EXTL3: variants seen among roughly 807,000 people sequenced by gnomAD.
EXTL3 encodes exostosin-like 3.
EXTL3 carries 27 observed loss-of-function variants against 69.3 expected under a neutral mutation model. The ratio of observed to expected loss-of-function variants is 0.39; its 90% CI spans 0.29 to 0.54. EXTL3 has a LOEUF of 0.54. Among genes scored for constraint, EXTL3 ranks in the 20% least tolerant of loss-of-function variants. The pLI, the probability that EXTL3 is intolerant of heterozygous loss-of-function variation, is 0.69. For missense variants in EXTL3, 1,003 were observed against 1,231.8 expected, an observed-to-expected ratio of 0.81 and a Z score of 2.78; for synonymous variants, 511 against 499.4, an observed-to-expected ratio of 1.02 and a Z score of -0.31.
intron 1 of EXTL3, among the ~76,000 whole-genome samples, chr8:28,645,328 T>A (rs1806811099): frequency 6.6e-6 from 1 of 152,342 alleles, no homozygotes; most frequent in African/African-American, 2.4e-5. Flanking sequence ...GCAAAAACAT[T>A]TAGGTCTAAC....
At chr8:28,733,658 C>T (rs1489324218) in intron 4 of EXTL3, among the ~76,000 whole-genome samples, 1 of 150,334 alleles carries the variant, frequency 6.7e-6, no homozygotes, top group Non-Finnish European at 1.5e-5. Flanking sequence ...GCTGGGATTA[C>T]AGGCATGAGC....
At chr8:28,667,308 G>A (rs9314366) in intron 1 of EXTL3, among the ~76,000 whole-genome samples, 105 of 152,268 alleles carry the variant, frequency 6.9e-4, no homozygotes, top group African/African-American at 2.3e-3. Context: ...AACAAGGGTG[G>A]GGGATTCTTG....
At chr8:28,744,386 G>A (rs1250210938) in intron 6 of EXTL3, among the ~76,000 whole-genome samples, 1 of 152,162 alleles carries the variant, frequency 6.6e-6, no homozygotes, top group African/African-American at 2.4e-5. Flanking sequence ...GACTGGGTGC[G>A]GTGGCTCATG....
rs1255448363 is a variant in EXTL3, at chr8:28,623,376, C to T, written c.-53+566C>T. Among the ~76,000 whole-genome samples the T allele has an allele frequency of 6.6e-6, 1 of 152,238 alleles. No individual in the cohort carries two copies. Among genetic ancestry groups the T allele is most frequent in the Non-Finnish European group, 1.5e-5 (1 of 68,048 alleles). ...AAGCCAGCCGTACCTGCGAGCCCCT[C>T]AGCACAGCTGACTTTAATTTGGGAT... On this transcript the variant is annotated intron_variant, in intron 1 of 6. Coordinates refer to the EXTL3 transcript ENST00000523149. The surrounding 1 kb of genome is among the most constrained non-coding windows in gnomAD (Gnocchi z 4.2).
intron 1 of EXTL3, among the ~76,000 whole-genome samples, chr8:28,629,094 G>C (rs1806535446): frequency 6.6e-6 from 1 of 152,086 alleles, no homozygotes. Flanking sequence ...TGACTGCCTA[G>C]GGTCACTGAG....
At chr8:28,663,404 C>G (rs1196323401) in intron 1 of EXTL3, among the ~76,000 whole-genome samples, 1 of 152,120 alleles carries the variant, frequency 6.6e-6, no homozygotes, top group African/African-American at 2.4e-5. Flanking sequence ...ACTGTTGGTG[C>G]CCTTGTACTG....
At chr8:28,719,126 T>C (rs1295476063) in intron 3 of EXTL3, among the ~76,000 whole-genome samples, 1 of 152,214 alleles carries the variant, frequency 6.6e-6, no homozygotes, top group African/African-American at 2.4e-5. Flanking sequence ...GCTAGAAGTC[T>C]CGGTTTTTAA....
rs371084223 is a variant in EXTL3, at chr8:28,691,875, G to A, written c.-52-21582G>A. Among the ~76,000 whole-genome samples, 29 of 151,858 alleles carry A rather than the reference G, an allele frequency of 1.9e-4. 2 individuals carry two copies. Among genetic ancestry groups the A allele is most frequent in the Admixed American group, 1.1e-3 (17 of 15,248 alleles). ...TCACACTGTTGCACTCCAGCCTGGG[G>A]GGCAACAGCGAAACTCCGTCTCAAA... is the stretch of plus-strand genomic sequence containing the variant. On this transcript the variant is annotated intron_variant, in intron 1 of 6. Coordinates refer to the EXTL3 transcript ENST00000523149.
At chr8:28,660,381 AGTT>A (rs968472385) in intron 1 of EXTL3, among the ~76,000 whole-genome samples, 3 of 151,874 alleles carry the variant, frequency 2.0e-5, no homozygotes, top group Non-Finnish European at 4.4e-5. Flanking sequence ...AAAAAAAAAA[AGTT>A]GTTAGGTAGA....
At chr8:28,650,421 G>C (rs940280034) in intron 1 of EXTL3, among the ~76,000 whole-genome samples, 1 of 151,548 alleles carries the variant, frequency 6.6e-6, no homozygotes, top group African/African-American at 2.4e-5. Context: ...GCAGTGGCGC[G>C]ATATCAGCTC....
At chr8:28,695,239 C>G (rs1800668824) in intron 1 of EXTL3, among the ~76,000 whole-genome samples, 1 of 150,364 alleles carries the variant, frequency 6.7e-6, no homozygotes, top group Admixed American at 6.7e-5. Flanking sequence ...AAGTGATTCT[C>G]TGCCTCAGCC....
intron 3 of EXTL3, among the ~76,000 whole-genome samples, chr8:28,719,480 T>G (rs1195278121): frequency 6.6e-6 from 1 of 152,230 alleles, no homozygotes; most frequent in Non-Finnish European, 1.5e-5. Context: ...GTGTCATAGT[T>G]GTTACTGCCT....
Position 28,703,736 on chromosome 8 carries a change from A to G in EXTL3, c.-570+2077A>G, listed in dbSNP as rs147284967. Among the ~76,000 whole-genome samples the G allele has an allele frequency of 2.9e-3, 440 of 152,318 alleles. 1 individual carries two copies. The highest frequency in any genetic ancestry group is 9.8e-3 in the African/African-American group (409 of 41,552). On this transcript the variant is annotated intron_variant, in intron 1 of 6. Transcript: ENST00000220562. ...CGCCTTTGTATGTTACTCTAGAGTG[A>G]GGCGAGGAATATGAAACCAGGACGT...
chr8:28,712,770 A>G (rs1198512580), intron 1 of EXTL3, among the ~76,000 whole-genome samples: 1 of 152,174 alleles, frequency 6.6e-6, no homozygotes, highest in Non-Finnish European at 1.5e-5. Context: ...TCATTGTTGA[A>G]TTATTGGTTT....
upstream of EXTL3, chr8:28,699,340 G>C (rs919338839): frequency 1.3e-5 from 2 of 152,540 alleles, no homozygotes; most frequent in African/African-American, 4.8e-5. Flanking sequence ...AAGGAAAAAA[G>C]AAAGTAGCCC....
intron 1 of EXTL3, among the ~76,000 whole-genome samples, chr8:28,707,604 ATTC>A (rs765263981): frequency 6.6e-6 from 1 of 152,150 alleles, no homozygotes; most frequent in Non-Finnish European, 1.5e-5. Flanking sequence ...ATTACTATCA[ATTC>A]TTCATTAGAC....
At chr8:28,690,754 T>G (rs1800602955) in intron 1 of EXTL3, among the ~76,000 whole-genome samples, 1 of 152,190 alleles carries the variant, frequency 6.6e-6, no homozygotes, top group Admixed American at 6.5e-5. Context: ...CCCAGAGTGA[T>G]CTAAGAAGGA....
At chr8:28,726,605 G>T (rs1162205457) in intron 3 of EXTL3, among the ~76,000 whole-genome samples, 2 of 152,018 alleles carry the variant, frequency 1.3e-5, no homozygotes, top group Non-Finnish European at 2.9e-5. Flanking sequence ...TCTGTTGTGG[G>T]GGCTGTCTTG....
intron 1 of EXTL3, among the ~76,000 whole-genome samples, chr8:28,705,446 G>A (rs1266865369): frequency 6.6e-6 from 1 of 151,972 alleles, no homozygotes; most frequent in African/African-American, 2.4e-5. Flanking sequence ...GGCTGGGCAC[G>A]GTGGCTCACA....
Sources: allele counts gnomAD v4.1 joint callset (sites outside exome capture counted in the v4.1 genomes callset), GRCh38; gene constraint gnomAD v4.1.1; non-coding constraint Gnocchi (gnomAD v3.1); transcripts MANE v1.5; gene names NCBI Gene and HGNC (gene_info 2026-07-23, HGNC 2026-07-21).